Variants in UXS1 observed in about 807,000 individuals in gnomAD.
The protein encoded by UXS1 is UDP-glucuronic acid decarboxylase 1.
In UXS1, 33 loss-of-function variants were observed where a neutral mutation model predicts 62.6. That is an observed-to-expected ratio of 0.53 (90% CI 0.40 to 0.70). The LOEUF is 0.70. UXS1 is among the 30% of genes least tolerant of loss of function. The pLI is 0.00. For synonymous variants in UXS1, 213 were observed against 206.8 expected, an observed-to-expected ratio of 1.03 and a Z score of -0.26; for missense variants, 434 against 556.3, an observed-to-expected ratio of 0.78 and a Z score of 2.21.
At chr2:106,169,496 A>G (rs1268872719) in intron 1 of UXS1, among the ~76,000 whole-genome samples, 2 of 152,080 alleles carry the variant, frequency 1.3e-5, no homozygotes, top group East Asian at 3.9e-4. Context: ...CTGGAGTTTG[A>G]GGCCGGCCTG....
intron 1 of UXS1, among the ~76,000 whole-genome samples, chr2:106,191,899 C>T (rs1238990939): frequency 6.6e-6 from 1 of 152,182 alleles, no homozygotes; most frequent in Non-Finnish European, 1.5e-5. Flanking sequence ...GTAATTTAAC[C>T]TTCATTTCCA....
Position 106,194,201 on chromosome 2 carries a change from T to C in UXS1, c.41A>G (p.Asn14Ser), listed in dbSNP as rs1244492735. Residue 14 changes from asparagine to serine, a missense_variant, in exon 1 of 15, where the codon AAC becomes AGC. Asn to Ser is a conservative substitution (Grantham distance 46). Coordinates refer to ENST00000283148, the MANE Select transcript of UXS1 (RefSeq NM_001253875.2). ...CAGCAGCAGCTTCATCCTCCTGCGGTTGACGGCAGACACGAGGCGCAGCAG... is the reference window on the plus strand; with the variant it reads ...CAGCAGCAGCTTCATCCTCCTGCGGCTGACGGCAGACACGAGGCGCAGCAG... The part of the protein sequence containing the change: ...KALLRLVSAV[N>S]RRRMKLLLGI... 3 of 1,475,132 alleles carry C rather than the reference T, an allele frequency of 2.0e-6. No homozygotes were observed. Among genetic ancestry groups the C allele is most frequent in the Non-Finnish European group, 2.7e-6 (3 of 1,111,006 alleles). The allele number at this position is 1,475,132 out of a possible 1,614,324, so 91.4% of individuals were successfully genotyped here.
chr2:106,106,752 G>A (rs769999332), intron 10 of UXS1, among the ~76,000 whole-genome samples: 2 of 152,168 alleles, frequency 1.3e-5, no homozygotes, highest in Non-Finnish European at 2.9e-5. Context: ...GGCCTGAGTT[G>A]GTAGGACAGG....
chr2:106,120,858 G>A (rs138885763), intron 9 of UXS1, among the ~76,000 whole-genome samples: 29 of 152,324 alleles, frequency 1.9e-4, no homozygotes, highest in Non-Finnish European at 3.5e-4. Flanking sequence ...TCATGCCAAC[G>A]GAGTGACAGG....
Position 106,104,984 on chromosome 2 carries a change from G to A in UXS1, c.880-147C>T, listed in dbSNP as rs544072570. On this transcript the variant is annotated intron_variant, in intron 10 of 14. Coordinates refer to ENST00000283148, the MANE Select transcript of UXS1 (RefSeq NM_001253875.2). ...CTCAAAGCATCTAGCACCACATCCC[G>A]CACTCTACTTCGAGACCATGCCTTG... 1.0e-4 allele frequency: 91 copies of A among 902,796 alleles called. No individual in the cohort carries two copies. In the East Asian group the frequency reaches 1.8e-3, roughly 18 times the overall value. 55.9% of individuals were successfully genotyped at this position (902,796 alleles called of 1,614,324 possible). A position where few individuals can be genotyped will look rare whatever the true frequency, so the allele number is the denominator to read the frequency against.
At chr2:106,150,447 G>T (rs1681916495) in intron 5 of UXS1, among the ~76,000 whole-genome samples, 1 of 152,186 alleles carries the variant, frequency 6.6e-6, no homozygotes, top group Non-Finnish European at 1.5e-5. Flanking sequence ...CCAGAGAGGT[G>T]CTCGAGGTCA....
At chr2:106,112,840 C>CTGCAT in intron 9 of UXS1, 75 bp from the exon 10 acceptor site, 1 of 1,537,374 alleles carries the variant, frequency 6.5e-7, no homozygotes, top group Non-Finnish European at 8.8e-7. Context: ...TTCCAGTGCC[C>CTGCAT]TGCATGCAAT....
intron 7 of UXS1, 57 bp downstream of exon 7, chr2:106,129,617 G>A: frequency 1.5e-6 from 2 of 1,360,440 alleles, no homozygotes; most frequent in African/African-American, 1.4e-5. Flanking sequence ...ACCTATGCTT[G>A]TAATCATCTA....
intron 1 of UXS1, among the ~76,000 whole-genome samples, chr2:106,192,622 G>A (rs1457704602): frequency 6.6e-6 from 1 of 151,160 alleles, no homozygotes; most frequent in Non-Finnish European, 1.5e-5. Context: ...AACCCTTGCA[G>A]CGACTATAGA....
intron 1 of UXS1, among the ~76,000 whole-genome samples, chr2:106,186,619 A>C (rs748245211): frequency 3.9e-5 from 6 of 152,178 alleles, no homozygotes; most frequent in African/African-American, 9.6e-5. Flanking sequence ...GCAACATGTA[A>C]ATCTTGACTG....
At chr2:106,112,845 T>G (rs1212974714) in intron 9 of UXS1, 80 bp from the exon 10 acceptor site, 2 of 1,524,514 alleles carry the variant, frequency 1.3e-6, no homozygotes, top group African/African-American at 1.4e-5. Flanking sequence ...GTGCCCTGCA[T>G]GCAATGCAGA....
intron 1 of UXS1, among the ~76,000 whole-genome samples, chr2:106,166,835 G>A (rs898323350): frequency 6.6e-6 from 1 of 151,876 alleles, no homozygotes; most frequent in Admixed American, 6.6e-5. Flanking sequence ...GGATGCATGT[G>A]TTTTGATAAA....
At chr2:106,116,057 G>C (rs1448898924) in intron 9 of UXS1, among the ~76,000 whole-genome samples, 3 of 152,318 alleles carry the variant, frequency 2.0e-5, no homozygotes, top group South Asian at 2.1e-4. Flanking sequence ...AGCTGAGAGA[G>C]GGGTGAGGGC....
At chr2:106,109,506 G>A (rs1473422581) in intron 10 of UXS1, among the ~76,000 whole-genome samples, 1 of 152,148 alleles carries the variant, frequency 6.6e-6, no homozygotes, top group African/African-American at 2.4e-5. Context: ...ATCCAAACCT[G>A]GGATAAATCA....
chr2:106,192,211 G>A (rs890904382), intron 1 of UXS1, among the ~76,000 whole-genome samples: 2 of 152,220 alleles, frequency 1.3e-5, no homozygotes, highest in Admixed American at 6.5e-5. Flanking sequence ...CAAATTCAGG[G>A]ACAACAGTAA....
chr2:106,166,198 T>C, intron 1 of UXS1, 115 bp from the exon 2 acceptor site: 1 of 1,018,786 alleles, frequency 9.8e-7, no homozygotes, highest in Non-Finnish European at 1.4e-6. Context: ...AAAATTAACT[T>C]ACGAAGACAA....
At chr2:106,159,071 G>C (rs1486974939) in intron 4 of UXS1, 1 of 152,196 alleles carries the variant, frequency 6.6e-6, no homozygotes, top group Non-Finnish European at 1.5e-5. Context: ...TTCTCAGGGA[G>C]GCAGATTTGA....
intron 6 of UXS1, among the ~76,000 whole-genome samples, chr2:106,140,542 G>A (rs1681017753): frequency 1.3e-5 from 2 of 151,944 alleles, no homozygotes. Context: ...TGATGGCTTG[G>A]CTCTCCCATC....
chr2:106,178,952 G>T (rs1684075477), intron 1 of UXS1, among the ~76,000 whole-genome samples: 1 of 152,210 alleles, frequency 6.6e-6, no homozygotes, highest in Non-Finnish European at 1.5e-5. Flanking sequence ...ACGGACAGCA[G>T]GGCGGTGTTG....
Sources: gnomAD v4.1 joint callset for allele counts (sites outside exome capture counted in the v4.1 genomes callset) on GRCh38, gnomAD v4.1.1 for gene constraint, MANE v1.5 for transcripts, NCBI Gene and HGNC (gene_info 2026-07-23, HGNC 2026-07-21) for gene names.